Variants in GARS1 observed in about 807,000 individuals in gnomAD.
GARS1 encodes the protein glycine--tRNA ligase.
A neutral mutation model predicts 86.4 loss-of-function variants in GARS1; 46 were observed. The ratio of observed to expected loss-of-function variants is 0.53; its 90% CI spans 0.42 to 0.68. GARS1 has a LOEUF of 0.68. GARS1 is among the 30% of genes least tolerant of loss of function. The probability of loss-of-function intolerance (pLI) is 0.00; values close to 1 mark genes in which losing one functional copy is unlikely to be tolerated. For synonymous variants in GARS1, 342 were observed against 329.8 expected (o/e 1.04, Z -0.40); for missense variants, 797 against 915.6 (o/e 0.87, Z 1.67).
intron 9 of GARS1, among the ~76,000 whole-genome samples, chr7:30,616,398 C>T (rs1238246803): frequency 6.6e-6 from 1 of 152,216 alleles, no homozygotes; most frequent in Non-Finnish European, 1.5e-5. Flanking sequence ...AGCAAGCCAT[C>T]TGGGTTTCAG....
intron 2 of GARS1, among the ~76,000 whole-genome samples, chr7:30,599,203 A>G (rs1201705349): frequency 1.3e-5 from 2 of 152,182 alleles, no homozygotes; most frequent in African/African-American, 4.8e-5. Context: ...GCCTGAAAAT[A>G]ATGATTTTTG....
chr7:30,597,268 G>C (rs1395278563), intron 1 of GARS1, among the ~76,000 whole-genome samples: 1 of 152,120 alleles, frequency 6.6e-6, no homozygotes, highest in Non-Finnish European at 1.5e-5. Context: ...ATCAGGTATT[G>C]GTGAAAGAGC....
At position 30,612,148 on chromosome 7, in the gene GARS1, T is replaced by G; in HGVS notation, c.934T>G (p.Leu312Val). The change falls in exon 8 of 17, where the codon TTG becomes GTG. Residue 312 changes from leucine to valine, a missense_variant. Leu to Val is a conservative substitution (Grantham distance 32, BLOSUM62 1). Coordinates refer to ENST00000389266, the MANE Select transcript of GARS1 (RefSeq NM_002047.4). ...QGIFLNFKRL[L>V]EFNQGKLPFA... ...GATTTTCTTGAATTTCAAACGACTTTTGGAGTTCAACCAAGGAAAGTTGCC... is the reference window on the plus strand; with the variant it reads ...GATTTTCTTGAATTTCAAACGACTTGTGGAGTTCAACCAAGGAAAGTTGCC... 1 of 1,614,114 alleles carries G rather than the reference T, an allele frequency of 6.2e-7. No individual in the cohort carries two copies. Among genetic ancestry groups the G allele is most frequent in the Non-Finnish European group, 8.5e-7 (1 of 1,179,972 alleles).
chr7:30,596,327 T>A (rs3807633), intron 1 of GARS1, among the ~76,000 whole-genome samples: 10 of 152,244 alleles, frequency 6.6e-5, no homozygotes, highest in African/African-American at 2.4e-4. Flanking sequence ...TTAACTTTTT[T>A]CTTCATGATT....
chr7:30,628,543 T>C lies in GARS1; in HGVS notation c.1700-17T>C, dbSNP rs775676664. ...GGTATTTGAGAGAATGTTATTGAAT[T>C]TCTATCTCTTTTTCAGTGGAAGAAG... On this transcript the variant is annotated splice_polypyrimidine_tract_variant and intron_variant, in intron 13 of 16. Transcript: ENST00000389266. The C allele has an allele frequency of 7.1e-6, 11 of 1,540,998 alleles. No homozygotes were observed. Among genetic ancestry groups the C allele is most frequent in the Non-Finnish European group, 9.0e-6 (10 of 1,114,168 alleles).
At chr7:30,624,035 T>C (rs2128135388) in intron 12 of GARS1, among the ~76,000 whole-genome samples, 1 of 152,352 alleles carries the variant, frequency 6.6e-6, no homozygotes, top group East Asian at 1.9e-4. Context: ...AGGCTGCATG[T>C]GGCCCAGGAT....
intron 6 of GARS1, among the ~76,000 whole-genome samples, chr7:30,609,149 A>G (rs1244078915): frequency 6.6e-6 from 1 of 152,180 alleles, no homozygotes; most frequent in East Asian, 1.9e-4. Flanking sequence ...TAATTACTCC[A>G]TTGAGGAGAG....
rs185523429 is a variant in GARS1 at position 30,611,248 on chromosome 7, C to T, written c.882-848C>T. On this transcript the variant is annotated intron_variant, in intron 7 of 16. Coordinates refer to ENST00000389266, the MANE Select transcript of GARS1 (RefSeq NM_002047.4). ...GCAGATAATAAAATGATTTGAAAAA[C>T]ATTGAAAATTACCTGGCTTGGTGAG... is the stretch of plus-strand genomic sequence containing the variant. Among the ~76,000 whole-genome samples the T allele has an allele frequency of 1.1e-4, 16 of 152,240 alleles. No homozygotes were observed. The East Asian group carries it at 3.1e-3, about 29-fold the overall frequency.
In GARS1 at chr7:30,595,081, A is replaced by G. The variant is rs1414091099; in HGVS notation, c.160A>G (p.Ser54Gly). ...ISLPAAASRS[S>G]MDGAGAEEVL... The stretch of plus-strand genomic sequence containing the variant: ...CTTGCCCGCCGCCGCCTCCCGGAGC[A>G]GCATGGACGGCGCGGGGGCTGAGGA... Residue 54 changes from serine to glycine, a missense_variant, in exon 1 of 17, where the codon AGC becomes GGC. Ser to Gly is a moderately conservative substitution (Grantham distance 56). Transcript: ENST00000389266. The G allele has an allele frequency of 6.5e-7, 1 of 1,547,398 alleles. No individual in the cohort carries two copies. Among genetic ancestry groups the G allele is most frequent in the Non-Finnish European group, 8.7e-7 (1 of 1,152,128 alleles).
intron 8 of GARS1, among the ~76,000 whole-genome samples, chr7:30,614,888 AAATT>A (rs1278026182): frequency 6.6e-6 from 1 of 152,078 alleles, no homozygotes; most frequent in Non-Finnish European, 1.5e-5. Flanking sequence ...AAAAAAAAAA[AAATT>A]AAACCTCTTT....
rs1456693284 is a variant in GARS1 at position 30,600,064 on chromosome 7, A to T, written c.427+15A>T. On this transcript the variant is annotated intron_variant, in intron 3 of 16. Transcript: ENST00000389266. ...TATTTATGGAGGTAAGGGATTAATG[A>T]CAAAAAGAACTATTGTGTTGTTAGT... 2 of 1,545,542 alleles carry T rather than the reference A, an allele frequency of 1.3e-6. No individual in the cohort carries two copies. Among genetic ancestry groups the T allele is most frequent in the Admixed American group, 1.7e-5 (1 of 59,966 alleles).
intron 6 of GARS1, among the ~76,000 whole-genome samples, chr7:30,608,886 A>G (rs1275430569): frequency 6.6e-6 from 1 of 152,198 alleles, no homozygotes; most frequent in Admixed American, 6.5e-5. Context: ...TATTATGGCC[A>G]TTAATTGATT....
At chr7:30,601,493 C>G (rs1352825699) in intron 4 of GARS1, among the ~76,000 whole-genome samples, 3 of 152,112 alleles carry the variant, frequency 2.0e-5, no homozygotes, top group African/African-American at 7.2e-5. Flanking sequence ...ATATCATTAA[C>G]TATTCATCTA....
rs1562769419 is a variant in GARS1 at position 30,595,060 on chromosome 7, C to CCGG, written c.140_141insGGC (p.Ala50dup). On this transcript the variant is annotated inframe_insertion, in exon 1 of 17. Coordinates refer to ENST00000389266, the MANE Select transcript of GARS1 (RefSeq NM_002047.4). ...GGCCTCCTGCCCCCCGATCTCCTTG[C>CCGG]CCGCCGCCGCCTCCCGGAGCAGCAT... The CCGG allele has an allele frequency of 1.3e-6, 2 of 1,552,460 alleles. No individual in the cohort carries two copies. The highest frequency in any genetic ancestry group is 2.3e-5 in the South Asian group (2 of 85,448).
intron 6 of GARS1, among the ~76,000 whole-genome samples, chr7:30,605,677 C>G (rs144493475): frequency 1.5e-3 from 225 of 152,250 alleles, no homozygotes; most frequent in African/African-American, 5.1e-3. Context: ...CCATGGTGCC[C>G]AGCCTGAATT....
At chr7:30,601,018 G>A in intron 3 of GARS1, 41 bp from the exon 4 acceptor site, 1 of 1,603,358 alleles carries the variant, frequency 6.2e-7, no homozygotes, top group South Asian at 1.1e-5. Context: ...TTTGTTCAGA[G>A]TAACAAGGTA....
At chr7:30,613,463 C>T (rs1296548808) in intron 8 of GARS1, among the ~76,000 whole-genome samples, 1 of 152,208 alleles carries the variant, frequency 6.6e-6, no homozygotes, top group Non-Finnish European at 1.5e-5. Flanking sequence ...CCTTCCCAAA[C>T]TGAGGAAGCT....
intron 2 of GARS1, among the ~76,000 whole-genome samples, chr7:30,599,100 A>C (rs1791323253): frequency 6.6e-6 from 1 of 152,196 alleles, no homozygotes; most frequent in African/African-American, 2.4e-5. Context: ...TCAACTTTTT[A>C]ATAAAGCCTT....
chr7:30,603,453 C>T (rs1558064), intron 5 of GARS1, 43 bp from the exon 6 acceptor site: 6 of 1,484,866 alleles, frequency 4.0e-6, no homozygotes, highest in Non-Finnish European at 5.6e-6. Flanking sequence ...AGTGCATTGT[C>T]CTTTTTCCCA....
Sources: gnomAD v4.1 joint callset for allele counts (sites outside exome capture counted in the v4.1 genomes callset) on GRCh38, gnomAD v4.1.1 for gene constraint, MANE v1.5 for transcripts, NCBI Gene and HGNC (gene_info 2026-07-23, HGNC 2026-07-21) for gene names.